SLCO3A1: variants seen among roughly 807,000 people sequenced by gnomAD.
SLCO3A1 encodes the protein PGE1 transporter.
A neutral mutation model predicts 63.1 loss-of-function variants in SLCO3A1; 27 were observed. That is an observed-to-expected ratio of 0.43 (90% CI 0.32 to 0.59). The LOEUF is 0.59. SLCO3A1 is among the 20% of genes least tolerant of loss of function. The pLI is 0.09. For missense variants in SLCO3A1, 773 were observed against 945.8 expected, an observed-to-expected ratio of 0.82 and a Z score of 2.40; for synonymous variants, 473 against 409.9, an observed-to-expected ratio of 1.15 and a Z score of -1.86.
Position 92,115,180 on chromosome 15 carries a change from G to A in SLCO3A1, c.1010-5285G>A, listed in dbSNP as rs142560405. ...CACTGCCTTGGGCAACTTCAATTCCGGGGAACTGGACATGGAAACCAAGGC... is the reference window on the plus strand; with the variant it reads ...CACTGCCTTGGGCAACTTCAATTCCAGGGAACTGGACATGGAAACCAAGGC... On this transcript the variant is annotated intron_variant, in intron 4 of 9. Coordinates refer to ENST00000318445, the MANE Select transcript of SLCO3A1 (RefSeq NM_013272.4). 3.7e-3 allele frequency among the ~76,000 whole-genome samples: 568 copies of A among 152,022 alleles called. 5 individuals carry two copies. The highest frequency in any genetic ancestry group is 0.013 in the African/African-American group (539 of 41,446).
At chr15:92,008,881 G>T (rs908556417) in intron 2 of SLCO3A1, among the ~76,000 whole-genome samples, 1 of 152,182 alleles carries the variant, frequency 6.6e-6, no homozygotes, top group Non-Finnish European at 1.5e-5. Context: ...CAAAAAGGCA[G>T]ATCAACGCCC....
chr15:91,989,194 T>A (rs2046094119), intron 2 of SLCO3A1, among the ~76,000 whole-genome samples: 1 of 152,232 alleles, frequency 6.6e-6, no homozygotes. Context: ...GTGTTCTTGC[T>A]TAGGACCCCA....
In SLCO3A1 at chr15:91,885,386, T is replaced by C. The variant is rs1897697773; in HGVS notation, c.181-30607T>C. Among the ~76,000 whole-genome samples the C allele has an allele frequency of 1.3e-5, 2 of 152,210 alleles. No individual in the cohort carries two copies. Among genetic ancestry groups the C allele is most frequent in the Admixed American group, 1.3e-4 (2 of 15,284 alleles). ...CCTGTATCAAGAGACAGAGGACATC[T>C]GAAGCCAGAATGCCCTTCCCAAAGC... On this transcript the variant is annotated intron_variant, in intron 1 of 9. Transcript: ENST00000318445. The surrounding 1 kb of genome is among the most constrained non-coding windows in gnomAD (Gnocchi z 4.7).
At chr15:91,981,049 G>A (rs1351707758) in intron 2 of SLCO3A1, among the ~76,000 whole-genome samples, 1 of 152,214 alleles carries the variant, frequency 6.6e-6, no homozygotes, top group Non-Finnish European at 1.5e-5. Context: ...GACCAGTCTG[G>A]GTTCAGGAAG....
At chr15:92,159,066 C>A (rs1463485379) in intron 9 of SLCO3A1, among the ~76,000 whole-genome samples, 1 of 152,190 alleles carries the variant, frequency 6.6e-6, no homozygotes, top group African/African-American at 2.4e-5. Flanking sequence ...CTCACACACA[C>A]ACCTCATTTG....
At chr15:92,082,781 G>A (rs144220306) in intron 2 of SLCO3A1, among the ~76,000 whole-genome samples, 1 of 152,322 alleles carries the variant, frequency 6.6e-6, no homozygotes, top group East Asian at 1.9e-4. Context: ...AGCCTGGTAG[G>A]AATCAGCCTT....
In SLCO3A1 at chr15:91,865,285, C is replaced by G. The variant is rs1016745521; in HGVS notation, c.180+11197C>G. ...CAGTAGGATTATTCCCTAACATTTT[C>G]AATATCTCAGATGCTAGACCAAAAT... On this transcript the variant is annotated intron_variant, in intron 1 of 9. Coordinates refer to ENST00000318445, the MANE Select transcript of SLCO3A1 (RefSeq NM_013272.4). The surrounding 1 kb of genome is among the most constrained non-coding windows in gnomAD (Gnocchi z 4.6). 6.6e-6 allele frequency among the ~76,000 whole-genome samples: 1 copy of G among 152,198 alleles called. No individual in the cohort carries two copies. Among genetic ancestry groups the G allele is most frequent in the African/African-American group, 2.4e-5 (1 of 41,460 alleles).
chr15:91,957,282 A>C (rs1221609432), intron 2 of SLCO3A1, among the ~76,000 whole-genome samples: 1 of 144,084 alleles, frequency 6.9e-6, no homozygotes, highest in Non-Finnish European at 1.5e-5. Flanking sequence ...TGCCTCCTTG[A>C]CTTCTAACTG....
At chr15:91,928,231 C>T (rs143697585) in intron 2 of SLCO3A1, among the ~76,000 whole-genome samples, 133 of 152,294 alleles carry the variant, frequency 8.7e-4, no homozygotes, top group South Asian at 5.2e-3. Flanking sequence ...ACCATAATAC[C>T]GCTGAATACA....
chr15:92,157,868 C>A (rs1025293975), intron 9 of SLCO3A1, among the ~76,000 whole-genome samples: 40 of 152,158 alleles, frequency 2.6e-4, no homozygotes, highest in Admixed American at 2.6e-3. Flanking sequence ...AAGGTATGAT[C>A]GTGCCCATTG....
At chr15:92,090,642 T>G (rs1423069977) in intron 2 of SLCO3A1, among the ~76,000 whole-genome samples, 1 of 152,156 alleles carries the variant, frequency 6.6e-6, no homozygotes, top group African/African-American at 2.4e-5. Context: ...CAAGAACTCC[T>G]TCCTGGGCCT....
chr15:92,057,825 T>G (rs2047039654), intron 2 of SLCO3A1, among the ~76,000 whole-genome samples: 1 of 152,162 alleles, frequency 6.6e-6, no homozygotes, highest in Non-Finnish European at 1.5e-5. Context: ...GGCCTTGCCC[T>G]CGGCGACACC....
intron 2 of SLCO3A1, among the ~76,000 whole-genome samples, chr15:91,934,386 A>G (rs1467653850): frequency 1.3e-5 from 2 of 152,212 alleles, no homozygotes; most frequent in African/African-American, 4.8e-5. Context: ...ATACCCAGCA[A>G]GACATGTAGA....
At chr15:91,994,652 G>T (rs147439726) in intron 2 of SLCO3A1, among the ~76,000 whole-genome samples, 69 of 152,360 alleles carry the variant, frequency 4.5e-4, no homozygotes, top group African/African-American at 1.7e-3. Flanking sequence ...CTCAAGTGGA[G>T]ATCTCAGATA....
At chr15:91,913,231 T>C (rs1898539276) in intron 1 of SLCO3A1, among the ~76,000 whole-genome samples, 2 of 152,142 alleles carry the variant, frequency 1.3e-5, no homozygotes, top group South Asian at 4.1e-4. Flanking sequence ...ACAATAGAAA[T>C]AGGAGTTGGG....
At chr15:92,076,104 C>T (rs1025161866) in intron 2 of SLCO3A1, among the ~76,000 whole-genome samples, 11 of 152,168 alleles carry the variant, frequency 7.2e-5, no homozygotes, top group South Asian at 2.1e-4. Flanking sequence ...CAAAATCAGC[C>T]GACTGTCATG....
intron 2 of SLCO3A1, among the ~76,000 whole-genome samples, chr15:91,933,607 T>C (rs1899308938): frequency 6.6e-6 from 1 of 152,174 alleles, no homozygotes; most frequent in Admixed American, 6.5e-5. Flanking sequence ...AATCATTGAA[T>C]TTTTAGAGAT....
chr15:91,940,814 C>T (rs1342301758), intron 2 of SLCO3A1, among the ~76,000 whole-genome samples: 3 of 152,106 alleles, frequency 2.0e-5, no homozygotes, highest in Non-Finnish European at 2.9e-5. Flanking sequence ...GGTGAATGAG[C>T]GAATATTCTG....
chr15:92,148,553 C>T (rs1015808599), intron 8 of SLCO3A1, among the ~76,000 whole-genome samples: 15 of 152,108 alleles, frequency 9.9e-5, no homozygotes, highest in African/African-American at 3.4e-4. Context: ...ACACCCAGTG[C>T]TTGCAAGGCT....
Sources: allele counts gnomAD v4.1 joint callset (sites outside exome capture counted in the v4.1 genomes callset), GRCh38; gene constraint gnomAD v4.1.1; non-coding constraint Gnocchi (gnomAD v3.1); transcripts MANE v1.5; gene names NCBI Gene and HGNC (gene_info 2026-07-23, HGNC 2026-07-21).